PRKCQ: variants seen among roughly 807,000 people sequenced by gnomAD.
The protein encoded by PRKCQ is protein kinase C theta type.
PRKCQ carries 41 observed loss-of-function variants against 91.2 expected under a neutral mutation model. That is an observed-to-expected ratio of 0.45 (90% CI 0.35 to 0.58). The LOEUF (loss-of-function observed/expected upper bound fraction) is 0.58. PRKCQ is among the 20% of genes least tolerant of loss of function. The probability of loss-of-function intolerance (pLI) is 0.00; values close to 1 mark genes in which losing one functional copy is unlikely to be tolerated. For synonymous variants in PRKCQ, 307 were observed against 316.9 expected (o/e 0.97, Z 0.33); for missense variants, 673 against 896.5 (o/e 0.75, Z 3.18).
intron 15 of PRKCQ, among the ~76,000 whole-genome samples, chr10:6,451,962 C>A (rs1409147647): frequency 2.0e-5 from 3 of 152,156 alleles, no homozygotes; most frequent in African/African-American, 7.2e-5. Flanking sequence ...AAACCCACAG[C>A]CAATATCATA....
chr10:6,432,348 C>T (rs1833465062), intron 16 of PRKCQ, among the ~76,000 whole-genome samples: 1 of 152,094 alleles, frequency 6.6e-6, no homozygotes, highest in African/African-American at 2.4e-5. Context: ...AATATAAAGA[C>T]CAAACAACAT....
rs757137773 is a variant in PRKCQ, at chr10:6,485,229, C to T, written c.941G>A (p.Gly314Asp). The change falls in exon 10 of 18, where the codon GGT (glycine) becomes GAT (aspartate). Residue 314 changes from glycine to aspartate, a missense_variant. Gly to Asp is a moderately conservative substitution (Grantham distance 94). Transcript: ENST00000263125. ...LRDTEQIFRE[G>D]PVEIGLPCSI... ...GCATGGGAGACCAATTTCAACCGGA[C>T]CTTCTCTGAAGATCTGTTCAGTATC... is the stretch of plus-strand genomic sequence containing the variant. 2 of 1,614,064 alleles carry T rather than the reference C, an allele frequency of 1.2e-6. No homozygotes were observed. The highest frequency in any genetic ancestry group is 1.7e-6 in the Non-Finnish European group (2 of 1,179,988).
At chr10:6,548,032 A>C (rs1379339006) in intron 1 of PRKCQ, among the ~76,000 whole-genome samples, 1 of 152,110 alleles carries the variant, frequency 6.6e-6, no homozygotes, top group Non-Finnish European at 1.5e-5. Context: ...AAACAAATTT[A>C]CAAGAAAAAA....
chr10:6,579,133 G>A (rs74926578), intron 1 of PRKCQ, among the ~76,000 whole-genome samples: 2,535 of 152,312 alleles, frequency 0.017, 65 homozygotes, highest in African/African-American at 0.058. Flanking sequence ...AGAAAGCATG[G>A]GCGGACTTCT....
chr10:6,444,737 G>A (rs765765514), intron 15 of PRKCQ, among the ~76,000 whole-genome samples: 9 of 151,816 alleles, frequency 5.9e-5, no homozygotes, highest in Admixed American at 2.0e-4. Flanking sequence ...CACGCAGAAG[G>A]TATTTTTTTG....
At position 6,430,929 on chromosome 10, in the gene PRKCQ, G is replaced by A. The variant is rs11258747; in HGVS notation, c.1846C>T (p.Arg616Ter). The A allele has an allele frequency of 1.2e-6, 2 of 1,613,764 alleles. No homozygotes were observed. The highest frequency in any genetic ancestry group is 1.7e-6 in the Non-Finnish European group (2 of 1,179,832). ...ACGCCCAGCCTCTTCTCAGGTTCTC[G>A]CACGAAGAGCTGAAAGGGAGCAGAG... The part of the protein sequence containing the change: ...AKDLLVKLFV[R>*]EPEKRLGVRG... Residue 616 changes from arginine to a stop codon, truncating the protein, a stop_gained, in exon 17 of 18, where the codon CGA (arginine) becomes TGA (stop). Coordinates refer to ENST00000263125, the MANE Select transcript of PRKCQ (RefSeq NM_006257.5). LOFTEE classifies it high-confidence loss of function. This position sits in a 1 kb window ranked among gnomAD's most constrained non-coding sequence, Gnocchi z 4.7.
intron 1 of PRKCQ, among the ~76,000 whole-genome samples, chr10:6,538,348 A>G (rs1161691104): frequency 6.6e-6 from 1 of 152,246 alleles, no homozygotes; most frequent in Non-Finnish European, 1.5e-5. Context: ...CGGGGAAGCT[A>G]AAGAAGCAAG....
chr10:6,483,514 G>C lies in PRKCQ; in HGVS notation c.1105C>G (p.Pro369Ala). 6.2e-7 allele frequency: 1 copy of C among 1,614,220 alleles called. No homozygotes were observed. The highest frequency in any genetic ancestry group is 8.5e-7 in the Non-Finnish European group (1 of 1,180,038). ...LPEPELNKER[P>A]SLQIKLKIED... ...ATTTTTAGTTTAATCTGCAGAGATG[G>C]TCTTTCTTTGTTCAGTTCAGGTTCT... The change falls in exon 11 of 18, where the codon CCA becomes GCA. Residue 369 changes from proline (P) to alanine (A), a missense_variant. Physicochemically the swap from Pro to Ala is conservative, Grantham distance 27. Coordinates refer to ENST00000263125, the MANE Select transcript of PRKCQ (RefSeq NM_006257.5).
intron 1 of PRKCQ, among the ~76,000 whole-genome samples, chr10:6,536,877 C>T (rs1008497773): frequency 3.9e-5 from 6 of 152,218 alleles, no homozygotes; most frequent in Admixed American, 3.3e-4. Flanking sequence ...TTGCGAGCTG[C>T]AAGAGGAAGG....
chr10:6,412,719 T>C, the PRKCQ span, among the ~76,000 whole-genome samples: 1 of 152,234 alleles, frequency 6.6e-6, no homozygotes, highest in African/African-American at 2.4e-5. Context: ...TAGATGCCTA[T>C]CTCACGTCAT....
chr10:6,394,846 TC>T, the PRKCQ span, among the ~76,000 whole-genome samples: 824 of 145,444 alleles, frequency 5.7e-3, 18 homozygotes, highest in Admixed American at 0.036. Flanking sequence ...TTGATACTGT[TC>T]TTCCACACAT....
At chr10:6,482,205 A>G (rs947119149) in intron 11 of PRKCQ, among the ~76,000 whole-genome samples, 2 of 152,194 alleles carry the variant, frequency 1.3e-5, no homozygotes, top group African/African-American at 4.8e-5. Context: ...GACCTTGGAA[A>G]GTGACTGTAT....
chr10:6,491,651 G>A (rs201462951), intron 8 of PRKCQ, 32 bp downstream of exon 8: 15 of 1,612,454 alleles, frequency 9.3e-6, no homozygotes, highest in African/African-American at 6.7e-5. Flanking sequence ...GGGGGTCCAC[G>A]TCGGGCCATG....
intron 4 of PRKCQ, among the ~76,000 whole-genome samples, chr10:6,504,076 C>T (rs1838061527): frequency 6.6e-6 from 1 of 152,196 alleles, no homozygotes; most frequent in Admixed American, 6.5e-5. Context: ...TGCTCCCAGC[C>T]TAATTTTTAA....
intron 1 of PRKCQ, among the ~76,000 whole-genome samples, chr10:6,552,187 T>A (rs539178885): frequency 6.6e-6 from 1 of 152,308 alleles, no homozygotes; most frequent in East Asian, 1.9e-4. Flanking sequence ...TGAGCTTATA[T>A]AGCTATTTAT....
At chr10:6,480,172 T>C (rs1836517401) in intron 11 of PRKCQ, among the ~76,000 whole-genome samples, 1 of 151,980 alleles carries the variant, frequency 6.6e-6, no homozygotes, top group South Asian at 2.1e-4. Context: ...GACACCAAAA[T>C]GGGAATGAAA....
At chr10:6,407,470 AGTGTGTGTGTGTGTGT>A in the PRKCQ span, among the ~76,000 whole-genome samples, 1 of 148,858 alleles carries the variant, frequency 6.7e-6, no homozygotes, top group Non-Finnish European at 1.5e-5. The surrounding 1 kb of genome is among the most constrained non-coding windows in gnomAD (Gnocchi z 4.0). Flanking sequence ...GTACATGTTC[AGTGTGTGTGTGTGTGT>A]GTGTGTGTAT....
At chr10:6,451,116 CA>C (rs1359995346) in intron 15 of PRKCQ, among the ~76,000 whole-genome samples, 1 of 150,442 alleles carries the variant, frequency 6.6e-6, no homozygotes, top group Admixed American at 6.6e-5. Flanking sequence ...AAAAACCCTT[CA>C]AAAAATTAAT....
intron 1 of PRKCQ, among the ~76,000 whole-genome samples, chr10:6,544,617 C>T (rs1839886733): frequency 6.6e-6 from 1 of 151,716 alleles, no homozygotes; most frequent in African/African-American, 2.4e-5. Flanking sequence ...GGAGATCCTA[C>T]CCCACACTCT....
Sources: gnomAD v4.1 joint callset for allele counts (sites outside exome capture counted in the v4.1 genomes callset) on GRCh38, gnomAD v4.1.1 for gene constraint, Gnocchi (gnomAD v3.1) non-coding constraint, MANE v1.5 for transcripts, NCBI Gene and HGNC (gene_info 2026-07-23, HGNC 2026-07-21) for gene names.